COL11A1: variants seen among roughly 807,000 people sequenced by gnomAD.
COL11A1 encodes the protein collagen alpha-1(XI) chain.
In COL11A1, 74 loss-of-function variants were observed where a neutral mutation model predicts 265.2. The ratio of observed to expected loss-of-function variants is 0.28; its 90% CI spans 0.23 to 0.34. The LOEUF (loss-of-function observed/expected upper bound fraction) is 0.34. COL11A1 is among the 10% of genes least tolerant of loss of function. The pLI, the probability that COL11A1 is intolerant of heterozygous loss-of-function variation, is 1.00. For missense variants in COL11A1, 2,165 were observed against 2,263.6 expected (o/e 0.96, Z 0.88); for synonymous variants, 816 against 727.6 (o/e 1.12, Z -1.96).
chr1:102,992,277 TAAAG>T (rs1664215353), intron 28 of COL11A1, among the ~76,000 whole-genome samples: 1 of 151,818 alleles, frequency 6.6e-6, no homozygotes, highest in Admixed American at 6.6e-5. Context: ...AATTATCAGA[TAAAG>T]AAAAAAAGAA....
intron 22 of COL11A1, 93 bp downstream of exon 22, chr1:103,002,654 A>G (rs1665221086): frequency 9.7e-6 from 12 of 1,235,224 alleles, no homozygotes; most frequent in Middle Eastern, 3.9e-4. Context: ...AGCAAAATGT[A>G]ATAAATCATT....
At chr1:102,957,481 A>G (rs1660488727) in intron 41 of COL11A1, among the ~76,000 whole-genome samples, 1 of 152,076 alleles carries the variant, frequency 6.6e-6, no homozygotes, top group African/African-American at 2.4e-5. Flanking sequence ...AATACACAGC[A>G]CAACTACATT....
intron 63 of COL11A1, among the ~76,000 whole-genome samples, chr1:102,885,906 C>T (rs753927517): frequency 5.0e-4 from 76 of 152,222 alleles, no homozygotes; most frequent in Non-Finnish European, 9.1e-4. Context: ...CTTTAACAGG[C>T]TATGCTTGAT....
At chr1:102,927,262 A>G (rs1445282625) in intron 46 of COL11A1, among the ~76,000 whole-genome samples, 1 of 152,196 alleles carries the variant, frequency 6.6e-6, no homozygotes, top group Admixed American at 6.5e-5. Flanking sequence ...ATAATATACC[A>G]TAAGTTACCC....
intron 4 of COL11A1, among the ~76,000 whole-genome samples, chr1:103,059,848 A>C (rs1670526148): frequency 6.6e-6 from 1 of 152,152 alleles, no homozygotes; most frequent in Non-Finnish European, 1.5e-5. Context: ...GCTGGGAAAT[A>C]CAAAACTAAA....
At chr1:102,934,002 T>C (rs1657864135) in intron 46 of COL11A1, among the ~76,000 whole-genome samples, 1 of 151,940 alleles carries the variant, frequency 6.6e-6, no homozygotes, top group South Asian at 2.1e-4. Context: ...CACTCCCTAG[T>C]GAGATGAACC....
intron 46 of COL11A1, among the ~76,000 whole-genome samples, chr1:102,932,782 T>C (rs1013098269): frequency 3.3e-5 from 5 of 151,602 alleles, no homozygotes; most frequent in African/African-American, 1.2e-4. Context: ...TTGGAGGCTT[T>C]GCTCATTTCT....
intron 3 of COL11A1, among the ~76,000 whole-genome samples, chr1:103,078,076 C>G (rs1436881679): frequency 6.6e-6 from 1 of 152,076 alleles, no homozygotes; most frequent in African/African-American, 2.4e-5. Context: ...TTCTTCTGCT[C>G]AAAAAGCCTC....
chr1:103,046,488 G>T lies in COL11A1; in HGVS notation c.652-15244C>A, dbSNP rs577128896. ...TCTTGTAAATTTGTTTGAGTTCATT[G>T]TAGATTCTGGATATTAGCCCTTTGT... On this transcript the variant is annotated intron_variant, in intron 4 of 66. Coordinates refer to ENST00000370096, the MANE Select transcript of COL11A1 (RefSeq NM_001854.4). Among the ~76,000 whole-genome samples the T allele has an allele frequency of 1.1e-3, 174 of 151,642 alleles. 1 individual carries two copies. The highest frequency in any genetic ancestry group is 4.1e-3 in the African/African-American group (169 of 41,296).
At chr1:102,927,527 T>C (rs1380438715) in intron 46 of COL11A1, among the ~76,000 whole-genome samples, 1 of 151,968 alleles carries the variant, frequency 6.6e-6, no homozygotes, top group Non-Finnish European at 1.5e-5. Context: ...CCATCCTGGC[T>C]AACACGGTGA....
intron 18 of COL11A1, among the ~76,000 whole-genome samples, 161 bp downstream of exon 18, chr1:103,005,675 CAT>C (rs1253810046): frequency 6.6e-6 from 1 of 152,152 alleles, no homozygotes; most frequent in African/African-American, 2.4e-5. Context: ...ACTGATACCA[CAT>C]GTGTAATTTT....
At chr1:102,898,832 A>G (rs991226137) in intron 55 of COL11A1, 59 bp from the exon 56 acceptor site, 2 of 1,511,832 alleles carry the variant, frequency 1.3e-6, no homozygotes, top group Middle Eastern at 1.8e-4. Context: ...TTATTATTTT[A>G]TTAAATGCAC....
intron 1 of COL11A1, among the ~76,000 whole-genome samples, chr1:103,104,070 G>C (rs1344992862): frequency 6.6e-6 from 1 of 152,024 alleles, no homozygotes; most frequent in Non-Finnish European, 1.5e-5. Context: ...TATTGAGAAG[G>C]TAAGATTGAT....
At chr1:102,935,925 TTAAC>T (rs1430800941) in intron 44 of COL11A1, among the ~76,000 whole-genome samples, 1 of 152,172 alleles carries the variant, frequency 6.6e-6, no homozygotes, top group Non-Finnish European at 1.5e-5. Context: ...TTTTTGTCCT[TTAAC>T]TATATAGACT....
At chr1:103,048,202 G>C (rs1024019840) in intron 4 of COL11A1, among the ~76,000 whole-genome samples, 4 of 152,116 alleles carry the variant, frequency 2.6e-5, no homozygotes, top group Non-Finnish European at 4.4e-5. Flanking sequence ...TTGTACCTCT[G>C]GTAGAATTTG....
intron 4 of COL11A1, among the ~76,000 whole-genome samples, chr1:103,063,944 A>G (rs538746992): frequency 3.3e-5 from 5 of 152,206 alleles, no homozygotes; most frequent in Non-Finnish European, 5.9e-5. Flanking sequence ...AAGTAAGCCT[A>G]TGAAAATATG....
chr1:102,963,556 A>AT (rs1022310109), intron 38 of COL11A1, among the ~76,000 whole-genome samples: 1 of 152,102 alleles, frequency 6.6e-6, no homozygotes. Context: ...CAAAGAGAAA[A>AT]TTTTTAGATG....
chr1:102,948,903 G>A (rs1455803435), intron 41 of COL11A1, among the ~76,000 whole-genome samples: 3 of 151,926 alleles, frequency 2.0e-5, no homozygotes, highest in East Asian at 1.9e-4. Flanking sequence ...CATTCAAAAT[G>A]AGCAACCCTA....
intron 49 of COL11A1, among the ~76,000 whole-genome samples, chr1:102,917,764 G>T (rs1655511934): frequency 6.6e-6 from 1 of 151,658 alleles, no homozygotes; most frequent in South Asian, 2.1e-4. Context: ...AATAATCTTA[G>T]AATTTATGTA....
Sources: gnomAD v4.1 joint callset for allele counts (sites outside exome capture counted in the v4.1 genomes callset) on GRCh38, gnomAD v4.1.1 for gene constraint, MANE v1.5 for transcripts, NCBI Gene and HGNC (gene_info 2026-07-23, HGNC 2026-07-21) for gene names.